The following GNG4 variants were observed in gnomAD, a reference collection of about 807,000 sequenced individuals.
GNG4 encodes G protein subunit gamma 4.
In GNG4, 4 loss-of-function variants were observed where a neutral mutation model predicts 5.8. The ratio of observed to expected loss-of-function variants is 0.69; its 90% CI spans 0.34 to 1.57. GNG4 has a LOEUF of 1.57. GNG4 is among the 40% of genes most tolerant of loss of function. The probability of loss-of-function intolerance (pLI) is 0.06; values close to 1 mark genes in which losing one functional copy is unlikely to be tolerated. For missense variants in GNG4, 96 were observed against 95.1 expected, an observed-to-expected ratio of 1.01 and a Z score of -0.04; for synonymous variants, 29 against 32.9, an observed-to-expected ratio of 0.88 and a Z score of 0.41.
chr1:235,624,244 A>AGCCACGCACC (rs927495255), intron 1 of GNG4, among the ~76,000 whole-genome samples: 1 of 151,280 alleles, frequency 6.6e-6, no homozygotes, highest in African/African-American at 2.4e-5. Context: ...CTGGGATTAC[A>AGCCACGCACC]GCCACGCACC....
intron 1 of GNG4, among the ~76,000 whole-genome samples, chr1:235,619,200 C>CAT (rs1688660275): frequency 1.4e-5 from 2 of 139,582 alleles, no homozygotes; most frequent in African/African-American, 5.3e-5. Flanking sequence ...TATACACACA[C>CAT]ACATATATAT....
chr1:235,627,916 C>T (rs1170781004), intron 1 of GNG4, among the ~76,000 whole-genome samples: 1 of 152,172 alleles, frequency 6.6e-6, no homozygotes, highest in Non-Finnish European at 1.5e-5. Context: ...CGTGGTGGCT[C>T]ATGCCTATAA....
intron 3 of GNG4, among the ~76,000 whole-genome samples, chr1:235,579,652 A>G (rs1306410365): frequency 2.6e-5 from 4 of 151,962 alleles, no homozygotes; most frequent in African/African-American, 9.7e-5. Context: ...GGAGTTCGAG[A>G]CCAGCCTGGC....
chr1:235,645,314 CT>C (rs1468998260), intron 1 of GNG4, among the ~76,000 whole-genome samples: 1 of 152,216 alleles, frequency 6.6e-6, no homozygotes, highest in Non-Finnish European at 1.5e-5. Context: ...GCCTCTTGCT[CT>C]TTTCTTCCCG....
intron 1 of GNG4, among the ~76,000 whole-genome samples, chr1:235,647,377 A>G (rs1472500729): frequency 6.6e-6 from 1 of 152,186 alleles, no homozygotes; most frequent in Non-Finnish European, 1.5e-5. Context: ...ATCTTCTGAC[A>G]TACATTATTA....
chr1:235,623,590 T>C (rs915351919), intron 1 of GNG4, among the ~76,000 whole-genome samples: 5 of 152,104 alleles, frequency 3.3e-5, no homozygotes, highest in Non-Finnish European at 7.4e-5. Flanking sequence ...GGGCTCTCCA[T>C]ATGCCACTCC....
At chr1:235,564,687 GTTA>G (rs1443066628) in intron 3 of GNG4, among the ~76,000 whole-genome samples, 1 of 152,132 alleles carries the variant, frequency 6.6e-6, no homozygotes, top group Non-Finnish European at 1.5e-5. Flanking sequence ...GGTCATCATA[GTTA>G]TTATTATTTT....
intron 1 of GNG4, among the ~76,000 whole-genome samples, chr1:235,600,436 GTGTA>G (rs746780594): frequency 1.4e-3 from 148 of 102,232 alleles, no homozygotes; most frequent in African/African-American, 4.7e-3. Context: ...GTGTGTGTGT[GTGTA>G]TATGTGTGTG....
At chr1:235,602,686 A>G (rs2102962759) in intron 1 of GNG4, among the ~76,000 whole-genome samples, 1 of 152,322 alleles carries the variant, frequency 6.6e-6, no homozygotes. Flanking sequence ...AGGTCTAACA[A>G]GGATTCCACC....
intron 1 of GNG4, among the ~76,000 whole-genome samples, chr1:235,597,482 A>T (rs866407911): frequency 6.7e-6 from 1 of 149,106 alleles, no homozygotes; most frequent in South Asian, 2.1e-4. Context: ...TGGTTAAGTC[A>T]TGAGGATGGA....
At chr1:235,637,722 T>C (rs55848776) in intron 1 of GNG4, among the ~76,000 whole-genome samples, 4,397 of 149,210 alleles carry the variant, frequency 0.029, 116 homozygotes, top group African/African-American at 0.064. Flanking sequence ...TGTTTGAACA[T>C]AGGAGAATTT....
At chr1:235,555,316 G>C (rs1479368945) in intron 3 of GNG4, among the ~76,000 whole-genome samples, 1 of 152,154 alleles carries the variant, frequency 6.6e-6, no homozygotes, top group Non-Finnish European at 1.5e-5. Context: ...ACTCAGAATA[G>C]ATCATCTCTT....
chr1:235,563,549 T>C lies in GNG4; in HGVS notation c.100-11312A>G, dbSNP rs1316754378. On this transcript the variant is annotated intron_variant, in intron 3 of 3. Coordinates refer to ENST00000391854, the MANE Select transcript of GNG4 (RefSeq NM_001098722.2). ...GGAAATTGGCTATACTGGACAATTA[T>C]CATGCATGTTTTCCCCCAGCAACTG... 3.3e-5 allele frequency among the ~76,000 whole-genome samples: 5 copies of C among 152,176 alleles called. No individual in the cohort carries two copies. The East Asian group carries it at 9.7e-4, about 29-fold the overall frequency.
At chr1:235,585,752 GGAAT>G in intron 2 of GNG4, among the ~76,000 whole-genome samples, 1 of 152,086 alleles carries the variant, frequency 6.6e-6, no homozygotes, top group Middle Eastern at 3.4e-3. Flanking sequence ...GTACATTTCT[GGAAT>G]TACTGGGTCA....
At chr1:235,575,122 G>A (rs1003923031) in intron 3 of GNG4, among the ~76,000 whole-genome samples, 3 of 152,098 alleles carry the variant, frequency 2.0e-5, no homozygotes, top group African/African-American at 7.2e-5. Context: ...ACTGCGCCTC[G>A]CCACAATCTC....
chr1:235,615,702 C>T, intron 1 of GNG4: 1 of 236,724 alleles, frequency 4.2e-6, no homozygotes, highest in South Asian at 7.7e-5. Flanking sequence ...ATCACATAGA[C>T]ATAGCCATTA....
intron 1 of GNG4, among the ~76,000 whole-genome samples, chr1:235,612,999 T>G (rs1236685853): frequency 6.6e-6 from 1 of 152,020 alleles, no homozygotes; most frequent in East Asian, 1.9e-4. Flanking sequence ...AGGCTTCTTT[T>G]ATAAGGGCAC....
At chr1:235,584,524 C>T (rs984617744) in intron 2 of GNG4, among the ~76,000 whole-genome samples, 23 of 152,134 alleles carry the variant, frequency 1.5e-4, no homozygotes, top group Admixed American at 2.6e-4. Context: ...AATAAACACA[C>T]GCACAAACAC....
intron 3 of GNG4, among the ~76,000 whole-genome samples, chr1:235,552,545 G>C (rs987135619): frequency 1.3e-5 from 2 of 152,142 alleles, no homozygotes; most frequent in Non-Finnish European, 2.9e-5. Flanking sequence ...GAGGTTCCAG[G>C]ACAGTAGTCT....
Sources: allele counts gnomAD v4.1 joint callset (sites outside exome capture counted in the v4.1 genomes callset), GRCh38; gene constraint gnomAD v4.1.1; transcripts MANE v1.5; gene names NCBI Gene and HGNC (gene_info 2026-07-23, HGNC 2026-07-21).